The following AEBP2 variants were observed in gnomAD, a reference collection of about 807,000 sequenced individuals.
The protein encoded by AEBP2 is zinc finger protein AEBP2.
AEBP2 carries 10 observed loss-of-function variants against 50.8 expected under a neutral mutation model. The observed-to-expected ratio is 0.20, with a 90% CI of 0.12 to 0.33. The LOEUF is 0.33. AEBP2 is among the 10% of genes least tolerant of loss of function. The pLI is 1.00. For missense variants in AEBP2, 570 were observed against 688.0 expected (o/e 0.83, Z 1.92); for synonymous variants, 296 against 261.3 (o/e 1.13, Z -1.28).
intron 1 of AEBP2, among the ~76,000 whole-genome samples, chr12:19,452,510 T>C (rs1948181676): frequency 6.6e-6 from 1 of 152,174 alleles, no homozygotes. Flanking sequence ...TTTTCTTTTT[T>C]TTTTGTTGTT....
upstream of AEBP2, among the ~76,000 whole-genome samples, chr12:19,439,037 G>T (rs1947892167): frequency 6.6e-6 from 1 of 152,180 alleles, no homozygotes; most frequent in South Asian, 2.1e-4. Flanking sequence ...CTGGGTTCAG[G>T]ATGTCAACAT....
chr12:19,506,512 G>A (rs1949157679), intron 5 of AEBP2, among the ~76,000 whole-genome samples: 1 of 152,148 alleles, frequency 6.6e-6, no homozygotes, highest in Non-Finnish European at 1.5e-5. Context: ...AGTTTTGAAA[G>A]TTGTACTCAC....
At chr12:19,457,497 T>A (rs1948291414) in intron 1 of AEBP2, 13 of 1,501,048 alleles carry the variant, frequency 8.7e-6, no homozygotes, top group South Asian at 6.4e-5. Context: ...GAAGGAGCCC[T>A]TTCCCATCTC....
chr12:19,420,240 G>T (rs2095744911), intron 1 of AEBP2, among the ~76,000 whole-genome samples: 1 of 151,050 alleles, frequency 6.6e-6, no homozygotes. Flanking sequence ...CGTTGGCCAG[G>T]CTGGTCTCGA....
intron 3 of AEBP2, among the ~76,000 whole-genome samples, chr12:19,492,442 C>T (rs975653960): frequency 1.3e-5 from 2 of 152,004 alleles, no homozygotes; most frequent in African/African-American, 4.8e-5. Flanking sequence ...ATTGCAAGTA[C>T]AGAAGGCTAA....
At chr12:19,462,488 A>T (rs1469416091) in intron 1 of AEBP2, 22 bp from the exon 2 acceptor site, 1 of 1,574,092 alleles carries the variant, frequency 6.4e-7, no homozygotes, top group South Asian at 1.2e-5. Context: ...GGAATAACAC[A>T]GCCTTTTTTC....
intron 3 of AEBP2, among the ~76,000 whole-genome samples, chr12:19,487,111 A>C (rs1354112427): frequency 1.3e-5 from 2 of 152,096 alleles, no homozygotes; most frequent in Non-Finnish European, 2.9e-5. Flanking sequence ...AATTGTGTTC[A>C]TTGGGTGGTT....
At chr12:19,510,882 T>TTTTTTTTTTA (rs1949222806) in intron 5 of AEBP2, among the ~76,000 whole-genome samples, 3 of 148,320 alleles carry the variant, frequency 2.0e-5, no homozygotes, top group Non-Finnish European at 3.0e-5. Flanking sequence ...TTTTTTTTTT[T>TTTTTTTTTTA]GAGGTGGGGC....
At chr12:19,462,814 T>C (rs1948402367) in intron 2 of AEBP2, 97 bp downstream of exon 2, 1 of 1,130,392 alleles carries the variant, frequency 8.8e-7, no homozygotes, top group Non-Finnish European at 1.2e-6. Flanking sequence ...TAATTTGGGA[T>C]TATTTTTACA....
chr12:19,412,805 A>G (rs1737381545), intron 1 of AEBP2, among the ~76,000 whole-genome samples: 1 of 151,314 alleles, frequency 6.6e-6, no homozygotes, highest in African/African-American at 2.4e-5. Flanking sequence ...GAGAGTCCGC[A>G]GTGCAAAGTG....
intron 5 of AEBP2, chr12:19,509,228 G>C: frequency 2.9e-6 from 1 of 349,752 alleles, no homozygotes; most frequent in South Asian, 4.8e-5. Context: ...AGTGTTGAAG[G>C]CACAAGCACA....
At chr12:19,463,579 AT>A (rs1777039484) in intron 2 of AEBP2, among the ~76,000 whole-genome samples, 1 of 151,596 alleles carries the variant, frequency 6.6e-6, no homozygotes, top group Non-Finnish European at 1.5e-5. Context: ...GGTTCTGTTG[AT>A]ATTTAGAGTA....
At chr12:19,515,299 G>A (rs201645058) in intron 7 of AEBP2, among the ~76,000 whole-genome samples, 1 of 152,146 alleles carries the variant, frequency 6.6e-6, no homozygotes, top group African/African-American at 2.4e-5. Flanking sequence ...GAAGGTATGT[G>A]GGGGAAGGAG....
chr12:19,481,092 CTTTT>C (rs71067027), intron 3 of AEBP2, among the ~76,000 whole-genome samples: 28,709 of 71,054 alleles, frequency 0.4, 7,174 homozygotes, highest in Non-Finnish European at 0.51. Context: ...GCAGTGCATC[CTTTT>C]TTTTTTTTTT....
chr12:19,495,021 T>C (rs1382889315), intron 4 of AEBP2, among the ~76,000 whole-genome samples: 1 of 152,088 alleles, frequency 6.6e-6, no homozygotes, highest in Non-Finnish European at 1.5e-5. Flanking sequence ...GTTCTCTGTC[T>C]CAGCCTTCCG....
At chr12:19,407,007 A>C (rs2095736646) in intron 1 of AEBP2, among the ~76,000 whole-genome samples, 1 of 152,138 alleles carries the variant, frequency 6.6e-6, no homozygotes, top group African/African-American at 2.4e-5. Flanking sequence ...TTTTACGTTT[A>C]AAAAAATGTA....
At chr12:19,451,193 A>G (rs1301779513) in intron 1 of AEBP2, among the ~76,000 whole-genome samples, 3 of 152,200 alleles carry the variant, frequency 2.0e-5, no homozygotes, top group African/African-American at 7.2e-5. Context: ...TATTTTACTT[A>G]TGAATCTATG....
chr12:19,484,763 T>A (rs1273069769), intron 3 of AEBP2, among the ~76,000 whole-genome samples: 4 of 150,018 alleles, frequency 2.7e-5, no homozygotes, highest in African/African-American at 9.8e-5. Context: ...TTTTTCTTAA[T>A]TTTTTTTTTA....
intron 3 of AEBP2, among the ~76,000 whole-genome samples, chr12:19,475,438 G>A (rs902498859): frequency 4.2e-4 from 63 of 151,804 alleles, no homozygotes; most frequent in African/African-American, 1.5e-3. Flanking sequence ...TCCATGGTAT[G>A]TATGTATGTA....
Sources: gnomAD v4.1 joint callset for allele counts (sites outside exome capture counted in the v4.1 genomes callset) on GRCh38, gnomAD v4.1.1 for gene constraint, MANE v1.5 for transcripts, NCBI Gene and HGNC (gene_info 2026-07-23, HGNC 2026-07-21) for gene names.